OLFML1: variants seen among roughly 807,000 people sequenced by gnomAD.
OLFML1 encodes the protein olfactomedin like 1.
A neutral mutation model predicts 37.3 loss-of-function variants in OLFML1; 33 were observed. The observed-to-expected ratio is 0.88, with a 90% confidence interval of 0.67 to 1.18. The LOEUF is 1.18. OLFML1 is among the 50% of genes most tolerant of loss of function. OLFML1 has a pLI of 0.00. For synonymous variants in OLFML1, 186 were observed against 181.3 expected, an observed-to-expected ratio of 1.03 and a Z score of -0.21; for missense variants, 545 against 483.7, an observed-to-expected ratio of 1.13 and a Z score of -1.19.
chr11:7,499,687 A>G (rs1396920512), intron 2 of OLFML1, among the ~76,000 whole-genome samples: 1 of 152,230 alleles, frequency 6.6e-6, no homozygotes, highest in African/African-American at 2.4e-5. Flanking sequence ...GAATAGGAGA[A>G]GCAGAAGGAA....
At chr11:7,497,736 C>T (rs1348943081) in intron 2 of OLFML1, among the ~76,000 whole-genome samples, 2 of 152,308 alleles carry the variant, frequency 1.3e-5, no homozygotes, top group Non-Finnish European at 2.9e-5. Context: ...CCATGGAATA[C>T]TCTGAATTTA....
At chr11:7,503,927 C>T (rs1329374522) in intron 2 of OLFML1, among the ~76,000 whole-genome samples, 2 of 152,114 alleles carry the variant, frequency 1.3e-5, no homozygotes, top group Non-Finnish European at 2.9e-5. Flanking sequence ...AGGAACAAGG[C>T]ATACAGTAGT....
intron 2 of OLFML1, among the ~76,000 whole-genome samples, chr11:7,507,488 T>A (rs1474407341): frequency 6.6e-6 from 1 of 152,048 alleles, no homozygotes; most frequent in Non-Finnish European, 1.5e-5. Flanking sequence ...TCTACTACAA[T>A]TGACCCTTGG....
chr11:7,487,893 T>C (rs968992304), intron 1 of OLFML1, among the ~76,000 whole-genome samples: 3 of 152,124 alleles, frequency 2.0e-5, no homozygotes, highest in Non-Finnish European at 4.4e-5. Flanking sequence ...TAAAATCACA[T>C]TTTAAAAATA....
Position 7,498,617 on chromosome 11 carries a change from T to C in OLFML1, c.418+10202T>C, listed in dbSNP as rs116115091. Among the ~76,000 whole-genome samples, 1,072 of 152,330 alleles carry C rather than the reference T, an allele frequency of 7.0e-3. 9 individuals carry two copies. Among genetic ancestry groups the C allele is most frequent in the African/African-American group, 0.025 (1,023 of 41,564 alleles). On this transcript the variant is annotated intron_variant, in intron 2 of 2. Transcript: ENST00000329293. ...CCTACCGTCCTACCTATCATCTGAT[T>C]AGTATTGATAAATGTTTATGAACAT... is the stretch of plus-strand genomic sequence containing the variant.
chr11:7,507,228 T>C (rs1343687004), intron 2 of OLFML1, among the ~76,000 whole-genome samples: 1 of 152,192 alleles, frequency 6.6e-6, no homozygotes, highest in East Asian at 1.9e-4. Flanking sequence ...TTACTTCATT[T>C]TTCTCCTTTC....
chr11:7,501,160 C>A (rs1229444868), intron 2 of OLFML1, among the ~76,000 whole-genome samples: 2 of 152,194 alleles, frequency 1.3e-5, no homozygotes, highest in Non-Finnish European at 2.9e-5. Context: ...AGAGGCTTCA[C>A]AAGAGACAGG....
intron 2 of OLFML1, among the ~76,000 whole-genome samples, chr11:7,500,920 A>T (rs1274442604): frequency 6.6e-6 from 1 of 152,140 alleles, no homozygotes; most frequent in Non-Finnish European, 1.5e-5. Flanking sequence ...GAATTATATG[A>T]GTTAATGTAA....
chr11:7,506,379 T>C (rs188368416), intron 2 of OLFML1, among the ~76,000 whole-genome samples: 1 of 152,242 alleles, frequency 6.6e-6, no homozygotes, highest in East Asian at 1.9e-4. Context: ...TGTGTGAGGG[T>C]AGCGACAGGG....
rs373376476 is a variant in OLFML1, at chr11:7,505,874, C to A, written c.419-3524C>A. Among the ~76,000 whole-genome samples, 6 of 152,234 alleles carry A rather than the reference C, an allele frequency of 3.9e-5. No homozygotes were observed. The East Asian group carries it at 1.2e-3, about 29-fold the overall frequency. On this transcript the variant is annotated intron_variant, in intron 2 of 2. Coordinates refer to ENST00000329293, the MANE Select transcript of OLFML1 (RefSeq NM_198474.4). ...GTCCAAAATTAGAACTGATGACCGA[C>A]TTATCTTGAAATGACCAGTAGAGCT...
At chr11:7,504,603 T>C (rs940761900) in intron 2 of OLFML1, among the ~76,000 whole-genome samples, 5 of 152,168 alleles carry the variant, frequency 3.3e-5, no homozygotes, top group African/African-American at 9.7e-5. Context: ...TCTCCTAGGA[T>C]TGCTTCTACT....
At chr11:7,488,059 A>T in intron 1 of OLFML1, 68 bp from the exon 2 acceptor site, 1 of 1,053,586 alleles carries the variant, frequency 9.5e-7, no homozygotes, top group Non-Finnish European at 1.4e-6. Flanking sequence ...TATAAATGAT[A>T]GGTATTTATA....
chr11:7,488,260 T>C lies in OLFML1; in HGVS notation c.263T>C (p.Leu88Ser), dbSNP rs1195568335. The change falls in exon 2 of 3, where the codon TTG (leucine) becomes TCG (serine). Residue 88 changes from leucine (L) to serine (S), a missense_variant. Coordinates refer to ENST00000329293, the MANE Select transcript of OLFML1 (RefSeq NM_198474.4). ...GAGTACAAGAGTGCAGTGGGTAACT[T>C]GGCACTGAGAGTTGAACGTGCCCAA... Reference protein sequence around the residue: ...TSEYKSAVGNLALRVERAQRE... With the variant: ...TSEYKSAVGNSALRVERAQRE... The C allele has an allele frequency of 6.2e-7, 1 of 1,614,078 alleles. No individual in the cohort carries two copies. The highest frequency in any genetic ancestry group is 1.7e-5 in the Admixed American group (1 of 60,010).
Position 7,488,430 on chromosome 11 carries a change from T to A in OLFML1, c.418+15T>A, listed in dbSNP as rs745567282. The A allele has an allele frequency of 1.3e-6, 2 of 1,599,262 alleles. No individual in the cohort carries two copies. Among genetic ancestry groups the A allele is most frequent in the Admixed American group, 3.5e-5 (2 of 57,890 alleles). On this transcript the variant is annotated intron_variant, in intron 2 of 2. Coordinates refer to ENST00000329293, the MANE Select transcript of OLFML1 (RefSeq NM_198474.4). ...GCTGAATGCAAGTAAGAAAACTGCA[T>A]CTTTTCCTAGCCCTTCTAGGGACTA... is the stretch of plus-strand genomic sequence containing the variant.
chr11:7,497,543 C>G (rs1848677716), intron 2 of OLFML1, among the ~76,000 whole-genome samples: 1 of 152,140 alleles, frequency 6.6e-6, no homozygotes, highest in African/African-American at 2.4e-5. Flanking sequence ...ATCGTGGAGC[C>G]AGGCTGGACT....
At chr11:7,490,559 A>C (rs145326649) in intron 2 of OLFML1, among the ~76,000 whole-genome samples, 12 of 152,180 alleles carry the variant, frequency 7.9e-5, no homozygotes, top group African/African-American at 2.9e-4. Flanking sequence ...AGGTCCTGAG[A>C]CTGGACTTGC....
chr11:7,497,642 C>G (rs138921509), intron 2 of OLFML1, among the ~76,000 whole-genome samples: 1 of 152,108 alleles, frequency 6.6e-6, no homozygotes. Context: ...CATCTATGCA[C>G]GTGAAAAGCC....
chr11:7,509,377 C>G, intron 2 of OLFML1, 21 bp from the exon 3 acceptor site: 1 of 1,563,738 alleles, frequency 6.4e-7, no homozygotes, highest in African/African-American at 1.4e-5. Flanking sequence ...GTAATCTCTC[C>G]TTTTTCTCCT....
At chr11:7,488,606 A>T in intron 2 of OLFML1, 191 bp downstream of exon 2, 1 of 490,570 alleles carries the variant, frequency 2.0e-6, no homozygotes, top group South Asian at 2.6e-5. Context: ...TCGCAAAGCC[A>T]TTCTTTCTTT....
Sources: allele counts gnomAD v4.1 joint callset (sites outside exome capture counted in the v4.1 genomes callset), GRCh38; gene constraint gnomAD v4.1.1; transcripts MANE v1.5; gene names NCBI Gene and HGNC (gene_info 2026-07-23, HGNC 2026-07-21).